Variants in FRMD5 observed in about 807,000 individuals in gnomAD.
FRMD5 encodes the protein FERM domain containing 5.
FRMD5 carries 20 observed loss-of-function variants against 69.0 expected under a neutral mutation model. The observed-to-expected ratio is 0.29, with a 90% CI of 0.20 to 0.42. The LOEUF is 0.42. FRMD5 is among the 10% of genes least tolerant of loss of function. The pLI is 1.00. For missense variants in FRMD5, 595 were observed against 708.6 expected, an observed-to-expected ratio of 0.84 and a Z score of 1.82; for synonymous variants, 271 against 260.1, an observed-to-expected ratio of 1.04 and a Z score of -0.40.
At chr15:44,119,875 A>T (rs2076922231) in intron 1 of FRMD5, among the ~76,000 whole-genome samples, 1 of 126,300 alleles carries the variant, frequency 7.9e-6, no homozygotes, top group Admixed American at 9.1e-5. Context: ...CTAGAACAGT[A>T]CCTAACATAC....
intron 1 of FRMD5, among the ~76,000 whole-genome samples, chr15:43,944,455 C>T (rs2089911238): frequency 6.6e-6 from 1 of 152,202 alleles, no homozygotes; most frequent in Non-Finnish European, 1.5e-5. Context: ...AGTTTTCACT[C>T]TTGTTGCCCA....
At chr15:43,900,462 G>C (rs1158030378) in intron 7 of FRMD5, among the ~76,000 whole-genome samples, 1 of 152,182 alleles carries the variant, frequency 6.6e-6, no homozygotes, top group Non-Finnish European at 1.5e-5. Flanking sequence ...TGTGCTAGTG[G>C]ATAGGGAACT....
At position 44,156,293 on chromosome 15, in the gene FRMD5, G is replaced by A. The variant is rs114047755; in HGVS notation, c.102+38660C>T. Among the ~76,000 whole-genome samples the A allele has an allele frequency of 2.3e-3, 349 of 152,064 alleles. 2 individuals are homozygous for A. Among genetic ancestry groups the A allele is most frequent in the African/African-American group, 7.7e-3 (321 of 41,496 alleles). ...CTAGTAGCTGGGACTACAAGCAGGC[G>A]CCACCACGCCCAACCAACTGTTGTA... On this transcript the variant is annotated intron_variant, in intron 1 of 13. Coordinates refer to ENST00000417257, the MANE Select transcript of FRMD5 (RefSeq NM_032892.5).
chr15:44,080,992 A>AT (rs992490198), intron 1 of FRMD5, among the ~76,000 whole-genome samples: 54 of 152,012 alleles, frequency 3.6e-4, no homozygotes, highest in Non-Finnish European at 6.9e-4. Flanking sequence ...TACAAATGAG[A>AT]TTTTTTTTGT....
intron 1 of FRMD5, among the ~76,000 whole-genome samples, chr15:44,180,117 T>C (rs991227525): frequency 6.6e-6 from 1 of 150,422 alleles, no homozygotes; most frequent in Admixed American, 6.6e-5. Context: ...GTCACACAGA[T>C]GTAAGTTCAA....
At chr15:43,935,037 G>A (rs2089736057) in intron 1 of FRMD5, among the ~76,000 whole-genome samples, 1 of 152,228 alleles carries the variant, frequency 6.6e-6, no homozygotes, top group Non-Finnish European at 1.5e-5. Context: ...TTAACCAGAG[G>A]CAGAGCCTCT....
At chr15:44,017,093 C>T (rs938183562) in intron 1 of FRMD5, among the ~76,000 whole-genome samples, 2 of 151,946 alleles carry the variant, frequency 1.3e-5, no homozygotes, top group Admixed American at 6.5e-5. Flanking sequence ...AATCCTAGCA[C>T]TTTGGGAGGC....
intron 1 of FRMD5, among the ~76,000 whole-genome samples, chr15:44,157,638 T>C (rs1341636529): frequency 7.9e-5 from 12 of 152,204 alleles, no homozygotes; most frequent in Non-Finnish European, 1.6e-4. Context: ...TATCATAAAC[T>C]GTAAATAAAA....
At chr15:44,004,292 A>G (rs1054429916) in intron 1 of FRMD5, among the ~76,000 whole-genome samples, 2 of 152,226 alleles carry the variant, frequency 1.3e-5, no homozygotes, top group African/African-American at 4.8e-5. Flanking sequence ...ATGTGTGTAC[A>G]TATCAGTACA....
At chr15:44,003,830 T>C (rs1890320363) in intron 1 of FRMD5, among the ~76,000 whole-genome samples, 1 of 152,186 alleles carries the variant, frequency 6.6e-6, no homozygotes, top group South Asian at 2.1e-4. Flanking sequence ...CATTTACTAA[T>C]TTTTTTATGT....
chr15:43,995,069 T>C (rs1221334311), intron 1 of FRMD5, among the ~76,000 whole-genome samples: 3 of 152,182 alleles, frequency 2.0e-5, no homozygotes, highest in Admixed American at 6.5e-5. Flanking sequence ...CTGTGGGGAA[T>C]TGGTTCCAGG....
At chr15:44,198,256 G>A (rs933775094), upstream of FRMD5, among the ~76,000 whole-genome samples, 3 of 151,416 alleles carry the variant, frequency 2.0e-5, no homozygotes, top group African/African-American at 4.9e-5. Flanking sequence ...CCTAGGGGGA[G>A]GGGAAGGTTG....
chr15:44,112,008 TA>T lies in FRMD5; in HGVS notation c.102+82944del, dbSNP rs540405299. On this transcript the variant is annotated intron_variant, in intron 1 of 13. Transcript: ENST00000417257. ...ACAGGTGCCCGCCACCACATCCGGC[TA>T]ATTTTTTGTATTTTTAGTAGAGACG... 2.2e-3 allele frequency among the ~76,000 whole-genome samples: 338 copies of T among 152,212 alleles called. 2 individuals carry two copies. The highest frequency in any genetic ancestry group is 7.8e-3 in the African/African-American group (324 of 41,526).
intron 1 of FRMD5, among the ~76,000 whole-genome samples, chr15:44,165,380 C>G (rs1050961820): frequency 6.6e-6 from 1 of 152,182 alleles, no homozygotes; most frequent in African/African-American, 2.4e-5. Context: ...TGAGATCATG[C>G]CACTGCACTC....
chr15:44,155,553 G>C (rs149221556), intron 1 of FRMD5, among the ~76,000 whole-genome samples: 1 of 151,816 alleles, frequency 6.6e-6, no homozygotes, highest in East Asian at 1.9e-4. Context: ...CAAAAAAAGG[G>C]TTGAATTCTT....
chr15:43,962,311 T>A (rs995321136), intron 1 of FRMD5, among the ~76,000 whole-genome samples: 1 of 152,050 alleles, frequency 6.6e-6, no homozygotes, highest in African/African-American at 2.4e-5. Flanking sequence ...CACAATTGCT[T>A]CAAAGAGAAT....
At position 44,050,326 on chromosome 15, in the gene FRMD5, CT is replaced by C. The variant is rs1392982046; in HGVS notation, c.103-126018del. On this transcript the variant is annotated intron_variant, in intron 1 of 13. Transcript: ENST00000417257. Reference sequence around the variant, plus strand: ...AGAAAAAAATGATAGAGAAGTTATGCTTGAGGAGTATCTGATAACTAAAGAG... The same window carrying C: ...AGAAAAAAATGATAGAGAAGTTATGCTGAGGAGTATCTGATAACTAAAGAG... 2.0e-5 allele frequency among the ~76,000 whole-genome samples: 3 copies of C among 151,990 alleles called. No individual in the cohort carries two copies. The East Asian group carries it at 5.8e-4, about 29-fold the overall frequency.
intron 1 of FRMD5, among the ~76,000 whole-genome samples, chr15:43,997,107 C>T (rs1031025805): frequency 1.6e-4 from 24 of 152,150 alleles, no homozygotes; most frequent in African/African-American, 5.3e-4. Context: ...TGAACTCCCA[C>T]TTTCAAGAAG....
chr15:44,105,062 A>G (rs147560280), intron 1 of FRMD5, among the ~76,000 whole-genome samples: 9 of 150,074 alleles, frequency 6.0e-5, no homozygotes, highest in African/African-American at 2.2e-4. Flanking sequence ...GGTAGTAAAG[A>G]GCCTATATCA....
Sources: gnomAD v4.1 joint callset for allele counts (sites outside exome capture counted in the v4.1 genomes callset) on GRCh38, gnomAD v4.1.1 for gene constraint, MANE v1.5 for transcripts, NCBI Gene and HGNC (gene_info 2026-07-23, HGNC 2026-07-21) for gene names.